Variants in NAV2 observed in about 807,000 individuals in gnomAD.
The protein encoded by NAV2 is helicase, APC down-regulated 1.
NAV2 carries 54 observed loss-of-function variants against 223.2 expected under a neutral mutation model. The observed-to-expected ratio is 0.24, with a 90% confidence interval of 0.19 to 0.30. The LOEUF (loss-of-function observed/expected upper bound fraction) is 0.30, where lower values mean the gene tolerates loss of function less well. Among genes scored for constraint, NAV2 ranks in the 10% least tolerant of loss-of-function variants. The probability of loss-of-function intolerance (pLI) is 1.00; values close to 1 mark genes in which losing one functional copy is unlikely to be tolerated. For synonymous variants in NAV2, 1,279 were observed against 1,239.3 expected (o/e 1.03, Z -0.67); for missense variants, 2,806 against 3,147.5 (o/e 0.89, Z 2.60).
intron 1 of NAV2, among the ~76,000 whole-genome samples, chr11:19,397,602 A>G (rs1849513520): frequency 6.6e-6 from 1 of 152,146 alleles, no homozygotes; most frequent in African/African-American, 2.4e-5. Flanking sequence ...ATGTATATTT[A>G]ATTTGAATTT....
chr11:20,024,472 T>C (rs1344358817), intron 11 of NAV2, among the ~76,000 whole-genome samples: 1 of 152,148 alleles, frequency 6.6e-6, no homozygotes, highest in African/African-American at 2.4e-5. Flanking sequence ...AGACGCTGAA[T>C]GTATGGAGTC....
rs2051587891 is a variant in NAV2, at chr11:19,993,846, T to C, written c.2768+9599T>C. Among the ~76,000 whole-genome samples the C allele has an allele frequency of 2.6e-5, 4 of 152,240 alleles. No homozygotes were observed. The South Asian group carries it at 8.3e-4, about 32-fold the overall frequency. On this transcript the variant is annotated intron_variant, in intron 11 of 37. Coordinates refer to ENST00000349880, the MANE Select transcript of NAV2 (RefSeq NM_145117.5). ...GGACCATGTTTTCATATGTAATGGC[T>C]CATAGAAAATGCTGGTGATTGTTTA...
intron 1 of NAV2, among the ~76,000 whole-genome samples, chr11:19,611,844 C>T (rs1039142712): frequency 1.2e-4 from 19 of 152,160 alleles, no homozygotes; most frequent in African/African-American, 4.1e-4. Flanking sequence ...AGAATGGTGG[C>T]CCTCTTCTCA....
intron 1 of NAV2, among the ~76,000 whole-genome samples, chr11:19,367,610 G>A (rs1487069600): frequency 2.0e-5 from 3 of 152,168 alleles, no homozygotes; most frequent in Non-Finnish European, 2.9e-5. Context: ...ATCTGCTCTT[G>A]GAGTCATCTC....
intron 1 of NAV2, among the ~76,000 whole-genome samples, chr11:19,697,573 G>A (rs966444041): frequency 1.3e-5 from 2 of 151,876 alleles, no homozygotes; most frequent in African/African-American, 4.8e-5. Context: ...GTCTGGAGAT[G>A]GCTGGTGCAG....
At chr11:20,061,298 G>A (rs939934377) in intron 19 of NAV2, among the ~76,000 whole-genome samples, 8 of 151,772 alleles carry the variant, frequency 5.3e-5, no homozygotes, top group African/African-American at 1.7e-4. Context: ...GGCCGGGCGC[G>A]GTGGCTCATG....
intron 3 of NAV2, among the ~76,000 whole-genome samples, chr11:19,844,238 C>T (rs2060661853): frequency 6.6e-6 from 1 of 152,236 alleles, no homozygotes; most frequent in Non-Finnish European, 1.5e-5. Flanking sequence ...TTAGTGCAGG[C>T]ATGCTGCACA....
At chr11:19,361,113 G>A (rs1163971207) in intron 1 of NAV2, among the ~76,000 whole-genome samples, 1 of 151,800 alleles carries the variant, frequency 6.6e-6, no homozygotes, top group Non-Finnish European at 1.5e-5. Flanking sequence ...TATAAAATGA[G>A]GATGGCAATA....
At chr11:19,567,921 T>C (rs977532720) in intron 1 of NAV2, among the ~76,000 whole-genome samples, 50 of 152,344 alleles carry the variant, frequency 3.3e-4, no homozygotes, top group African/African-American at 1.2e-3. Context: ...TCAGGGGCTC[T>C]GTGTACCCTC....
At chr11:19,674,976 G>C (rs2048674739) in intron 1 of NAV2, among the ~76,000 whole-genome samples, 1 of 152,154 alleles carries the variant, frequency 6.6e-6, no homozygotes, top group Non-Finnish European at 1.5e-5. Flanking sequence ...CATGCAAAGA[G>C]CTCAGTAAGG....
At chr11:19,650,633 G>A (rs1227920904) in intron 1 of NAV2, among the ~76,000 whole-genome samples, 2 of 152,186 alleles carry the variant, frequency 1.3e-5, no homozygotes, top group Non-Finnish European at 2.9e-5. Context: ...TAGGATCATA[G>A]CAGCTTTATT....
At chr11:19,374,590 A>C (rs915358775) in intron 1 of NAV2, among the ~76,000 whole-genome samples, 1 of 152,238 alleles carries the variant, frequency 6.6e-6, no homozygotes, top group African/African-American at 2.4e-5. Flanking sequence ...CCTTTTAAAA[A>C]TCTGCACAAT....
rs992611118 is a variant in NAV2 at position 19,693,883 on chromosome 11, T to C, written c.76-138601T>C. Reference sequence around the variant, plus strand: ...CTTCATTGTAGCTGGAGGGAGAATGTTAGGAGATTGGACTGTAAAATATCA... The same window carrying C: ...CTTCATTGTAGCTGGAGGGAGAATGCTAGGAGATTGGACTGTAAAATATCA... On this transcript the variant is annotated intron_variant, in intron 1 of 37. Transcript: ENST00000360655. Among the ~76,000 whole-genome samples, 70 of 152,156 alleles carry C rather than the reference T, an allele frequency of 4.6e-4. 1 individual carries two copies. Among genetic ancestry groups the C allele is most frequent in the Admixed American group, 4.6e-3 (70 of 15,282 alleles).
chr11:19,519,803 G>A (rs1017059467), intron 1 of NAV2: 4 of 151,912 alleles, frequency 2.6e-5, no homozygotes, highest in African/African-American at 9.7e-5. Context: ...GAGGCAAACT[G>A]CGTGATCACC....
Position 19,492,256 on chromosome 11 carries a change from G to A in NAV2, c.75+141229G>A, listed in dbSNP as rs1431411653. Among the ~76,000 whole-genome samples the A allele has an allele frequency of 2.6e-5, 4 of 151,956 alleles. No individual in the cohort carries two copies. The East Asian group carries it at 7.8e-4, about 29-fold the overall frequency. On this transcript the variant is annotated intron_variant, in intron 1 of 37. Coordinates refer to the NAV2 transcript ENST00000360655. Reference sequence around the variant, plus strand: ...GCACCAGTGGATTTGCTAGACATAGGGTTGCCACAACCTTTCAATTTGTTT... The same window carrying A: ...GCACCAGTGGATTTGCTAGACATAGAGTTGCCACAACCTTTCAATTTGTTT...
intron 10 of NAV2, among the ~76,000 whole-genome samples, chr11:19,955,859 G>A (rs185682822): frequency 2.2e-4 from 33 of 152,344 alleles, no homozygotes; most frequent in Non-Finnish European, 4.3e-4. Flanking sequence ...GAAAGCCAGA[G>A]TGCTCCTTAC....
At chr11:19,540,335 C>G (rs182038721) in intron 1 of NAV2, among the ~76,000 whole-genome samples, 1 of 152,326 alleles carries the variant, frequency 6.6e-6, no homozygotes, top group Admixed American at 6.5e-5. Flanking sequence ...TCATTCTTCA[C>G]AACAAAATTA....
intron 1 of NAV2, among the ~76,000 whole-genome samples, chr11:19,420,555 CT>C (rs1367008737): frequency 6.6e-6 from 1 of 152,168 alleles, no homozygotes; most frequent in Non-Finnish European, 1.5e-5. Flanking sequence ...ATACAGTGGA[CT>C]ACTACACATC....
Position 19,934,051 on chromosome 11 carries a change from C to T in NAV2, c.1807C>T (p.Pro603Ser). 1 of 1,603,338 alleles carries T rather than the reference C, an allele frequency of 6.2e-7. No individual in the cohort carries two copies. Among genetic ancestry groups the T allele is most frequent in the Non-Finnish European group, 8.5e-7 (1 of 1,174,644 alleles). ...KLSSGLPQQK[P>S]QLDGRHSSSS... ...GAGCTCAGGACTCCCCCAGCAGAAG[C>T]CCCAGCTGGACGGCAGACACTCCAG... Residue 603 changes from proline to serine, a missense_variant, in exon 7 of 38, where the codon CCC becomes TCC. By Grantham distance (74) the Pro-to-Ser change is moderately conservative. Transcript: ENST00000349880.
Sources: allele counts gnomAD v4.1 joint callset (sites outside exome capture counted in the v4.1 genomes callset), GRCh38; gene constraint gnomAD v4.1.1; transcripts MANE v1.5; gene names NCBI Gene and HGNC (gene_info 2026-07-23, HGNC 2026-07-21).